MTFR1: variants seen among roughly 807,000 people sequenced by gnomAD.
MTFR1 encodes the protein mitochondrial fission regulator 1.
In MTFR1, 28 loss-of-function variants were observed where a neutral mutation model predicts 38.8. That is an observed-to-expected ratio of 0.72 (90% confidence interval 0.53 to 0.99). The LOEUF (loss-of-function observed/expected upper bound fraction) is 0.99, where lower values mean the gene tolerates loss of function less well. Among genes scored for constraint, MTFR1 ranks in the 50% least tolerant of loss-of-function variants. The pLI is 0.00. For synonymous variants in MTFR1, 145 were observed against 137.0 expected (o/e 1.06, Z -0.41); for missense variants, 358 against 395.5 (o/e 0.91, Z 0.81).
At chr8:65,658,182 C>T (rs930875645) in intron 1 of MTFR1, among the ~76,000 whole-genome samples, 9 of 152,126 alleles carry the variant, frequency 5.9e-5, no homozygotes, top group Non-Finnish European at 1.3e-4. Flanking sequence ...TTGAATAGTT[C>T]TCAAAAACCT....
chr8:65,684,887 C>T (rs1160455415), intron 3 of MTFR1, among the ~76,000 whole-genome samples: 2 of 151,894 alleles, frequency 1.3e-5, no homozygotes, highest in Non-Finnish European at 2.9e-5. Context: ...GCCTGTAATC[C>T]CAGCTACTCA....
chr8:65,764,611 T>A lies in MTFR1; in HGVS notation c.*49-6336T>A, dbSNP rs186844474. ...GGGAAAAGCACTAAAAGCTTCCAAATATAACAGAATCTACCCTTGTATGGG... is the reference window on the plus strand; with the variant it reads ...GGGAAAAGCACTAAAAGCTTCCAAAAATAACAGAATCTACCCTTGTATGGG... On this transcript the variant is annotated intron_variant, in intron 3 of 3. Transcript: ENST00000521247. 7.2e-5 allele frequency among the ~76,000 whole-genome samples: 11 copies of A among 152,298 alleles called. 1 individual carries two copies. Among genetic ancestry groups the A allele is most frequent in the South Asian group, 2.1e-4 (1 of 4,826 alleles).
chr8:65,700,393 G>A (rs572202100), intron 4 of MTFR1, among the ~76,000 whole-genome samples: 1 of 150,128 alleles, frequency 6.7e-6, no homozygotes, highest in African/African-American at 2.4e-5. Context: ...AAAAAGGGCA[G>A]CATATTTCTG....
At chr8:65,651,569 A>G (rs772506300) in intron 1 of MTFR1, among the ~76,000 whole-genome samples, 6 of 152,138 alleles carry the variant, frequency 3.9e-5, no homozygotes, top group Non-Finnish European at 5.9e-5. Flanking sequence ...TCTTTTCCCA[A>G]TGTATGTTCT....
At chr8:65,772,510 C>T (rs1809132749), downstream of MTFR1, among the ~76,000 whole-genome samples, 2 of 152,114 alleles carry the variant, frequency 1.3e-5, no homozygotes, top group African/African-American at 4.8e-5. Context: ...CAAGGAACTT[C>T]ACAGGGAAGA....
intron 3 of MTFR1, among the ~76,000 whole-genome samples, chr8:65,767,727 G>A (rs927249084): frequency 1.4e-4 from 22 of 152,248 alleles, no homozygotes; most frequent in South Asian, 4.2e-4. Context: ...GGAGGGTGGC[G>A]TCCCAGGGAA....
At chr8:65,756,270 A>T (rs531066569) in intron 3 of MTFR1, among the ~76,000 whole-genome samples, 1 of 152,184 alleles carries the variant, frequency 6.6e-6, no homozygotes, top group Non-Finnish European at 1.5e-5. Flanking sequence ...ATTGGAATTT[A>T]CCGAGCTTCT....
chr8:65,662,298 C>T (rs914578905), intron 1 of MTFR1, among the ~76,000 whole-genome samples: 1 of 152,106 alleles, frequency 6.6e-6, no homozygotes, highest in Non-Finnish European at 1.5e-5. Flanking sequence ...CGGGATTTCG[C>T]TGTGTTGGCC....
intron 3 of MTFR1, chr8:65,734,904 A>G (rs1348376233): frequency 6.4e-7 from 1 of 1,551,524 alleles, no homozygotes; most frequent in South Asian, 1.1e-5. Flanking sequence ...ACTGCATCAA[A>G]GAAAGAGATC....
rs1339531064 is a variant in MTFR1 at position 65,693,644 on chromosome 8, A to G, written c.166A>G (p.Ile56Val). 1.2e-6 allele frequency: 2 copies of G among 1,613,378 alleles called. No homozygotes were observed. Among genetic ancestry groups the G allele is most frequent in the Non-Finnish European group, 1.7e-6 (2 of 1,179,522 alleles). ...LIQCPRVQFQ[I>V]NSHATEWSPS... Reference sequence around the variant, plus strand: ...AACTTTCCCTATTTATAACTTACAGATTAACAGCCATGCAACAGAATGGAG... The same window carrying G: ...AACTTTCCCTATTTATAACTTACAGGTTAACAGCCATGCAACAGAATGGAG... The change falls in exon 4 of 8, where the codon ATT becomes GTT. Residue 56 changes from isoleucine to valine, a missense_variant and splice_region_variant. Physicochemically the swap from Ile to Val is conservative, Grantham distance 29. Coordinates refer to ENST00000262146, the MANE Select transcript of MTFR1 (RefSeq NM_014637.4).
intron 7 of MTFR1, chr8:65,708,255 C>A: frequency 1.3e-6 from 1 of 741,946 alleles, no homozygotes. Flanking sequence ...AAATTTGAAA[C>A]TTGTAGAAGA....
intron 3 of MTFR1, among the ~76,000 whole-genome samples, chr8:65,762,907 T>G (rs1237656125): frequency 1.3e-5 from 2 of 151,692 alleles, no homozygotes; most frequent in South Asian, 2.1e-4. Context: ...GAAGCTGAGG[T>G]GGGAGGATTG....
chr8:65,754,635 G>A (rs955768550), intron 3 of MTFR1, among the ~76,000 whole-genome samples: 37 of 147,530 alleles, frequency 2.5e-4, no homozygotes, highest in African/African-American at 8.2e-4. Context: ...ATGCCCAGCC[G>A]TTATTTGTCT....
At chr8:65,681,671 GTT>G (rs200580429) in intron 2 of MTFR1, among the ~76,000 whole-genome samples, 49 of 108,278 alleles carry the variant, frequency 4.5e-4, no homozygotes, top group Admixed American at 1.9e-3. Context: ...TGTTGTTTTT[GTT>G]TTTTTTTTTT....
intron 4 of MTFR1, among the ~76,000 whole-genome samples, chr8:65,696,167 GAGT>G (rs1563453263): frequency 6.6e-6 from 1 of 152,130 alleles, no homozygotes; most frequent in Admixed American, 6.6e-5. Context: ...AATTTCATTT[GAGT>G]AGTATTAGCT....
intron 3 of MTFR1, among the ~76,000 whole-genome samples, chr8:65,736,164 C>G (rs1807120193): frequency 6.6e-6 from 1 of 152,134 alleles, no homozygotes; most frequent in East Asian, 1.9e-4. Flanking sequence ...CATCACAACT[C>G]TTGTGCTTTG....
exon 3 of MTFR1, chr8:65,719,394 C>T: frequency 6.2e-7 from 1 of 1,614,076 alleles, no homozygotes. Flanking sequence ...TTCCAGCTGG[C>T]TTTATTCAGC....
At chr8:65,724,867 G>GCCA (rs1806544511) in intron 3 of MTFR1, 1 of 1,610,596 alleles carries the variant, frequency 6.2e-7, no homozygotes, top group Non-Finnish European at 8.5e-7. Flanking sequence ...ACTCATTCTG[G>GCCA]CGACTGATGT....
intron 2 of MTFR1, among the ~76,000 whole-genome samples, chr8:65,678,627 G>T (rs997721724): frequency 3.3e-5 from 5 of 152,098 alleles, no homozygotes; most frequent in Admixed American, 6.6e-5. Context: ...TCGGCTGGGC[G>T]TTGTGGCTCA....
Sources: gnomAD v4.1 joint callset for allele counts (sites outside exome capture counted in the v4.1 genomes callset) on GRCh38, gnomAD v4.1.1 for gene constraint, MANE v1.5 for transcripts, NCBI Gene and HGNC (gene_info 2026-07-23, HGNC 2026-07-21) for gene names.